Variants in CRYBG2 observed in about 807,000 individuals in gnomAD.
The protein encoded by CRYBG2 is crystallin beta-gamma domain containing 2.
CRYBG2 carries 106 observed loss-of-function variants against 153.4 expected under a neutral mutation model. That is an observed-to-expected ratio of 0.69 (90% CI 0.59 to 0.81). The LOEUF is 0.81. Among genes scored for constraint, CRYBG2 ranks in the 30% least tolerant of loss-of-function variants. CRYBG2 has a pLI of 0.00. For synonymous variants in CRYBG2, 851 were observed against 877.8 expected, an observed-to-expected ratio of 0.97 and a Z score of 0.54; for missense variants, 1,996 against 2,112.0, an observed-to-expected ratio of 0.95 and a Z score of 1.08.
chr1:26,345,700 C>T lies in CRYBG2; in HGVS notation c.958G>A (p.Ala320Thr), dbSNP rs2074206875. The change falls in exon 2 of 20, where the codon GCC becomes ACC. Residue 320 changes from alanine to threonine, a missense_variant. Physicochemically the swap from Ala to Thr is moderately conservative, Grantham distance 58 (BLOSUM62 0). Coordinates refer to ENST00000308182, the MANE Select transcript of CRYBG2 (RefSeq NM_001039775.4). ...AGCTCACAGGCCCTGGCATCCGGGG[C>T]TCTGCCCTGGTCTCTGTCCGGACAG... is the stretch of plus-strand genomic sequence containing the variant. ...AACPDRDQGR[A>T]PDARACELWQ... The T allele has an allele frequency of 3.1e-6, 5 of 1,598,032 alleles. No homozygotes were observed. Among genetic ancestry groups the T allele is most frequent in the Non-Finnish European group, 4.2e-6 (5 of 1,179,460 alleles).
intron 1 of CRYBG2, among the ~76,000 whole-genome samples, chr1:26,349,336 C>T (rs947343158): frequency 2.0e-5 from 3 of 152,144 alleles, no homozygotes; most frequent in Non-Finnish European, 4.4e-5. Context: ...CCCAGGATGA[C>T]GCGGCTATGA....
chr1:26,333,013 C>A, intron 14 of CRYBG2, among the ~76,000 whole-genome samples: 1 of 9,446 alleles, frequency 1.1e-4, no homozygotes, highest in Admixed American at 8.3e-4. Context: ...ACACCAAACC[C>A]CAAAAAAAAA....
chr1:26,338,480 AG>A lies in CRYBG2; in HGVS notation c.3345-4del. 1.3e-6 allele frequency: 2 copies of A among 1,598,470 alleles called. No homozygotes were observed. Among genetic ancestry groups the A allele is most frequent in the South Asian group, 2.3e-5 (2 of 88,366 alleles). ...ATGGTTTGGGGTACAGTAGCCACCT[AG>A]GGGAAACAGAGAGGCTGCTGCACCC... On this transcript the variant is annotated splice_region_variant and splice_polypyrimidine_tract_variant and intron_variant, in intron 6 of 19. Transcript: ENST00000308182.
At chr1:26,324,028 C>A in intron 18 of CRYBG2, 124 bp downstream of exon 18, 2 of 1,038,690 alleles carry the variant, frequency 1.9e-6, no homozygotes, top group Non-Finnish European at 2.8e-6. Flanking sequence ...TGCACTCTCC[C>A]TCTCCCCAGG....
chr1:26,347,330 G>C (rs1373061018), intron 1 of CRYBG2, among the ~76,000 whole-genome samples: 1 of 113,852 alleles, frequency 8.8e-6, no homozygotes. Context: ...ATCTCACTCT[G>C]TTACCCAGGC....
At position 26,337,247 on chromosome 1, in the gene CRYBG2, G is replaced by A; in HGVS notation, c.3771+6C>T. 1 of 1,613,946 alleles carries A rather than the reference G, an allele frequency of 6.2e-7. No homozygotes were observed. The highest frequency in any genetic ancestry group is 8.5e-7 in the Non-Finnish European group (1 of 1,179,898). ...GCAGAGGGATGGGCCAATTGCCTTT[G>A]CTTACCGTCCGGATGACCCGGAGGG... On this transcript the variant is annotated splice_donor_region_variant and intron_variant, in intron 10 of 19. Transcript: ENST00000308182.
chr1:26,333,133 T>C (rs751293386), intron 14 of CRYBG2, among the ~76,000 whole-genome samples: 39 of 148,674 alleles, frequency 2.6e-4, no homozygotes, highest in Admixed American at 1.1e-3. Context: ...ATAGGCTGAA[T>C]GTCTGTGTCC....
At chr1:26,324,022 C>G in intron 18 of CRYBG2, 130 bp downstream of exon 18, 3 of 966,770 alleles carry the variant, frequency 3.1e-6, no homozygotes, top group Non-Finnish European at 4.6e-6. Flanking sequence ...ACAGTCTGCA[C>G]TCTCCCTCTC....
intron 1 of CRYBG2, among the ~76,000 whole-genome samples, chr1:26,352,050 G>C (rs2074292738): frequency 6.6e-6 from 1 of 152,040 alleles, no homozygotes; most frequent in African/African-American, 2.4e-5. Flanking sequence ...GCTGAGGAGG[G>C]GGCGGGGGGA....
Position 26,328,253 on chromosome 1 carries a change from A to G in CRYBG2, c.4534T>C (p.Tyr1512His). Reference sequence around the variant, plus strand: ...GAGCCCACCCTCTGGGTGCCGCTGTAGGTCAGCCAGTTGGTGATCTCGCAG... The same window carrying G: ...GAGCCCACCCTCTGGGTGCCGCTGTGGGTCAGCCAGTTGGTGATCTCGCAG... Reference protein sequence around the residue: ...GSCEITNWLTYSGTQRVGSLY... With the variant: ...GSCEITNWLTHSGTQRVGSLY... The change falls in exon 17 of 20, where the codon TAC (tyrosine) becomes CAC (histidine). Residue 1512 changes from tyrosine to histidine, a missense_variant. Physicochemically the swap from Tyr to His is moderately conservative, Grantham distance 83 (BLOSUM62 2). Coordinates refer to ENST00000308182, the MANE Select transcript of CRYBG2 (RefSeq NM_001039775.4). The G allele has an allele frequency of 1.3e-6, 2 of 1,565,636 alleles. No homozygotes were observed. Among genetic ancestry groups the G allele is most frequent in the Non-Finnish European group, 1.7e-6 (2 of 1,155,036 alleles).
chr1:26,335,906 ATTTATC>A (rs2074047760), intron 14 of CRYBG2, among the ~76,000 whole-genome samples, 183 bp downstream of exon 14: 1 of 152,166 alleles, frequency 6.6e-6, no homozygotes, highest in African/African-American at 2.4e-5. Flanking sequence ...AGGAAACAAG[ATTTATC>A]TTTATATTAT....
Position 26,344,387 on chromosome 1 carries a change from C to T in CRYBG2, c.2271G>A (p.Glu757=), listed in dbSNP as rs557605871. 2.6e-6 allele frequency: 4 copies of T among 1,516,722 alleles called. No individual in the cohort carries two copies. Among genetic ancestry groups the T allele is most frequent in the Non-Finnish European group, 2.7e-6 (3 of 1,129,254 alleles). The allele number at this position is 1,516,722 out of a possible 1,614,324, so 94.0% of individuals were successfully genotyped here. Residue 757 remains glutamate, a synonymous_variant, in exon 2 of 20, where the codon GAG becomes GAA. Coordinates refer to ENST00000308182, the MANE Select transcript of CRYBG2 (RefSeq NM_001039775.4). ...TCTETSREED[E]VALAADLEIF... ...TCTCCAGGTCAGCGGCCAGGGCCAC[C>T]TCATCCTCCTCCCTTGATGTCTCTG...
At chr1:26,327,050 G>T (rs1276304914) in intron 17 of CRYBG2, 13 of 466,902 alleles carry the variant, frequency 2.8e-5, no homozygotes, top group Admixed American at 1.1e-4. Flanking sequence ...AAACTGGGCT[G>T]GGGCTGGGCA....
Position 26,326,724 on chromosome 1 carries a change from A to T in CRYBG2, c.4578+1485T>A, listed in dbSNP as rs182657918. The stretch of plus-strand genomic sequence containing the variant: ...TTGACATATTGTCATAGGCTTTCCT[A>T]CGGTACAGCCTCTAACAAAACTAGG... On this transcript the variant is annotated intron_variant, in intron 17 of 19. Coordinates refer to ENST00000308182, the MANE Select transcript of CRYBG2 (RefSeq NM_001039775.4). The T allele has an allele frequency of 8.4e-6, 3 of 358,022 alleles. No homozygotes were observed. In the East Asian group the frequency reaches 2.0e-4, roughly 24 times the overall value. The allele number at this position is 358,022 out of a possible 1,614,324, so 22.2% of individuals were successfully genotyped here.
intron 1 of CRYBG2, among the ~76,000 whole-genome samples, chr1:26,347,639 T>A (rs1383855653): frequency 6.6e-6 from 1 of 151,796 alleles, no homozygotes; most frequent in Non-Finnish European, 1.5e-5. Context: ...ACAGGTGCCC[T>A]CCACCACGCC....
chr1:26,335,806 GAC>G (rs2074046748), intron 14 of CRYBG2, among the ~76,000 whole-genome samples: 2 of 152,084 alleles, frequency 1.3e-5, no homozygotes, highest in Admixed American at 1.3e-4. Context: ...TCATATTAGA[GAC>G]ACACGTTGAA....
intron 7 of CRYBG2, 31 bp downstream of exon 7, chr1:26,338,320 T>C: frequency 6.4e-7 from 1 of 1,565,598 alleles, no homozygotes. Context: ...AGCCTAGACC[T>C]CCTGGCCTGT....
At chr1:26,341,257 C>T (rs569355962) in intron 5 of CRYBG2, among the ~76,000 whole-genome samples, 101 of 151,616 alleles carry the variant, frequency 6.7e-4, no homozygotes, top group African/African-American at 2.3e-3. Context: ...AGGAGAATCG[C>T]GTGAACCCAG....
intron 17 of CRYBG2, chr1:26,326,690 T>C (rs1204189337): frequency 1.4e-5 from 4 of 278,766 alleles, no homozygotes; most frequent in Non-Finnish European, 3.0e-5. Flanking sequence ...ACTGAGAATG[T>C]TCCAGCATTT....
Sources: gnomAD v4.1 joint callset for allele counts (sites outside exome capture counted in the v4.1 genomes callset) on GRCh38, gnomAD v4.1.1 for gene constraint, MANE v1.5 for transcripts, NCBI Gene and HGNC (gene_info 2026-07-23, HGNC 2026-07-21) for gene names.